Variants in TENM4 observed in about 807,000 individuals in gnomAD.
The protein encoded by TENM4 is teneurin-4.
Under a neutral mutation model 243.3 loss-of-function variants are expected in TENM4, and 82 were observed. The observed-to-expected ratio is 0.34, with a 90% confidence interval of 0.28 to 0.40. The LOEUF (loss-of-function observed/expected upper bound fraction) is 0.40. Ranked by LOEUF, TENM4 falls within the 10% of genes least tolerant of loss-of-function variation. TENM4 has a pLI of 1.00. For missense variants in TENM4, 3,138 were observed against 3,673.3 expected (o/e 0.85, Z 3.77); for synonymous variants, 1,412 against 1,456.3 (o/e 0.97, Z 0.69).
At chr11:78,982,719 C>T (rs1025830931) in intron 6 of TENM4, among the ~76,000 whole-genome samples, 5 of 152,226 alleles carry the variant, frequency 3.3e-5, no homozygotes, top group Admixed American at 1.3e-4. Flanking sequence ...TTATACAAAG[C>T]GCAACAGATG....
intron 6 of TENM4, among the ~76,000 whole-genome samples, chr11:78,966,998 G>C (rs1479757399): frequency 6.6e-6 from 1 of 152,166 alleles, no homozygotes; most frequent in African/African-American, 2.4e-5. Context: ...GCACAAGCTT[G>C]TTCCTCCTCC....
intron 29 of TENM4, among the ~76,000 whole-genome samples, chr11:78,687,396 C>T (rs893211795): frequency 6.6e-6 from 1 of 152,220 alleles, no homozygotes; most frequent in Non-Finnish European, 1.5e-5. Context: ...ATCCAGCGGG[C>T]AGGAAAGAAT....
At chr11:79,117,554 C>A (rs1425712163) in intron 4 of TENM4, among the ~76,000 whole-genome samples, 1 of 152,220 alleles carries the variant, frequency 6.6e-6, no homozygotes, top group Non-Finnish European at 1.5e-5. Context: ...CAAGCCTCCA[C>A]TTCCCCTAAG....
intron 1 of TENM4, among the ~76,000 whole-genome samples, chr11:79,313,829 A>G (rs561351646): frequency 6.6e-6 from 1 of 152,250 alleles, no homozygotes; most frequent in Admixed American, 6.5e-5. Flanking sequence ...ACAGATACTA[A>G]GATTACTGGA....
intron 6 of TENM4, among the ~76,000 whole-genome samples, chr11:78,983,319 T>C (rs1194400692): frequency 2.0e-5 from 3 of 152,180 alleles, no homozygotes; most frequent in Non-Finnish European, 4.4e-5. Context: ...AAAGAGTGGG[T>C]TGCCCACTCT....
intron 15 of TENM4, among the ~76,000 whole-genome samples, chr11:78,803,347 T>C (rs1857321881): frequency 6.6e-6 from 1 of 152,170 alleles, no homozygotes; most frequent in African/African-American, 2.4e-5. Flanking sequence ...TCTTAAATAA[T>C]TCTCACTATA....
At chr11:78,973,978 G>A (rs951199831) in intron 6 of TENM4, among the ~76,000 whole-genome samples, 1 of 151,988 alleles carries the variant, frequency 6.6e-6, no homozygotes, top group Non-Finnish European at 1.5e-5. Flanking sequence ...CCTGCAGCAG[G>A]ACCAAGTTCA....
intron 6 of TENM4, among the ~76,000 whole-genome samples, chr11:79,017,758 G>A (rs1858816984): frequency 6.6e-6 from 1 of 152,190 alleles, no homozygotes; most frequent in African/African-American, 2.4e-5. Context: ...TTCTGAGTCT[G>A]TGCTCTTGAA....
At chr11:79,069,404 G>A (rs1251750989) in intron 5 of TENM4, among the ~76,000 whole-genome samples, 3 of 152,214 alleles carry the variant, frequency 2.0e-5, no homozygotes, top group Admixed American at 6.5e-5. Context: ...CCATGTAACA[G>A]TTGAGGACTG....
intron 12 of TENM4, among the ~76,000 whole-genome samples, chr11:78,844,779 C>A (rs1318104575): frequency 6.6e-6 from 1 of 152,144 alleles, no homozygotes. Flanking sequence ...AGAAACCAAC[C>A]CTGCCAGTAC....
intron 4 of TENM4, among the ~76,000 whole-genome samples, chr11:79,105,638 G>A (rs971938958): frequency 1.3e-5 from 2 of 152,200 alleles, no homozygotes; most frequent in African/African-American, 4.8e-5. Flanking sequence ...GTAGGGGCCT[G>A]CCAAATGAGG....
At chr11:78,843,925 C>T (rs1858322356) in intron 12 of TENM4, among the ~76,000 whole-genome samples, 1 of 152,218 alleles carries the variant, frequency 6.6e-6, no homozygotes, top group Admixed American at 6.5e-5. Flanking sequence ...AAGCTTCTAG[C>T]TTGCAGGGAA....
At chr11:79,131,985 T>C (rs2137163672) in intron 4 of TENM4, among the ~76,000 whole-genome samples, 1 of 152,082 alleles carries the variant, frequency 6.6e-6, no homozygotes, top group Non-Finnish European at 1.5e-5. Context: ...CAGGAAAATA[T>C]CACAATCCTA....
chr11:78,705,652 T>C (rs753830060), intron 27 of TENM4, among the ~76,000 whole-genome samples: 5 of 152,210 alleles, frequency 3.3e-5, no homozygotes, highest in African/African-American at 4.8e-5. Context: ...CACTTGGAGC[T>C]GGCTGCCTTG....
intron 6 of TENM4, among the ~76,000 whole-genome samples, chr11:79,010,383 G>A (rs1211452613): frequency 2.6e-5 from 4 of 152,176 alleles, no homozygotes; most frequent in Non-Finnish European, 5.9e-5. Flanking sequence ...GCTCAGAGGA[G>A]ACTTGGGGAG....
At chr11:79,116,692 C>G (rs1861629602) in intron 4 of TENM4, among the ~76,000 whole-genome samples, 1 of 152,158 alleles carries the variant, frequency 6.6e-6, no homozygotes, top group African/African-American at 2.4e-5. Context: ...ATCATCAACC[C>G]TGATTTACTT....
chr11:79,300,646 T>C (rs1347194928), intron 1 of TENM4, among the ~76,000 whole-genome samples: 1 of 152,260 alleles, frequency 6.6e-6, no homozygotes, highest in East Asian at 1.9e-4. Flanking sequence ...ATTGATGTGA[T>C]AGGTAAATGG....
At chr11:78,687,070 G>C (rs556642682) in intron 29 of TENM4, among the ~76,000 whole-genome samples, 18 of 152,290 alleles carry the variant, frequency 1.2e-4, no homozygotes, top group African/African-American at 4.1e-4. Context: ...CTGTGGGGCA[G>C]GTGTTAAAAT....
rs564062444 is a variant in TENM4, at chr11:79,360,061, T to G, written c.-320-62518A>C. ...TCTCTTCAGACACAAAGAACATCCCTCCTCTATTCATTACAGAGCCACAGC... is the reference window on the plus strand; with the variant it reads ...TCTCTTCAGACACAAAGAACATCCCGCCTCTATTCATTACAGAGCCACAGC... On this transcript the variant is annotated intron_variant, in intron 1 of 33. Coordinates refer to ENST00000278550, the MANE Select transcript of TENM4 (RefSeq NM_001098816.3). Among the ~76,000 whole-genome samples the G allele has an allele frequency of 3.3e-5, 5 of 152,316 alleles. No individual in the cohort carries two copies. In the South Asian group the frequency reaches 1.0e-3, roughly 32 times the overall value.
Sources: allele counts gnomAD v4.1 joint callset (sites outside exome capture counted in the v4.1 genomes callset), GRCh38; gene constraint gnomAD v4.1.1; transcripts MANE v1.5; gene names NCBI Gene and HGNC (gene_info 2026-07-23, HGNC 2026-07-21).